MAGEB10: variants seen among roughly 807,000 people sequenced by gnomAD.
The protein encoded by MAGEB10 is melanoma-associated antigen B10.
For synonymous variants in MAGEB10, 99 were observed against 101.0 expected (o/e 0.98, Z 0.12); for missense variants, 190 against 261.9 (o/e 0.73, Z 1.89).
In MAGEB10 at chrX:27,822,269, A is replaced by C. The variant is rs1318446779; in HGVS notation, c.963A>C (p.Arg321Ser). 1.7e-6 allele frequency: 2 copies of C among 1,210,224 alleles called. No individual in the cohort carries two copies. Among genetic ancestry groups the C allele is most frequent in the Non-Finnish European group, 2.2e-6 (2 of 895,359 alleles). The change falls in exon 3 of 3, where the codon AGA becomes AGC. Residue 321 changes from arginine (R) to serine (S), a missense_variant. Physicochemically the swap from Arg to Ser is moderately radical, Grantham distance 110. Transcript: ENST00000356790. ...ATGAGGAAGAGAGAGCCAGAGCCAG[A>C]GTTGCAGCCAAGGCTCGCGTTAGTG... is the stretch of plus-strand genomic sequence containing the variant. ...LQDEEERARA[R>S]VAAKARVSAT...
At chrX:27,819,975 G>A (rs537676323) in intron 2 of MAGEB10, among the ~76,000 whole-genome samples, 48 of 111,047 alleles carry the variant, frequency 4.3e-4, no homozygotes, top group Middle Eastern at 4.6e-3. Context: ...GTTAGTGGTA[G>A]CCAACCTTGG....
Position 27,822,173 on chromosome X carries a change from T to C in MAGEB10, c.867T>C (p.Leu289=), listed in dbSNP as rs1923901991. Reference sequence around the variant, plus strand: ...CTGAAACCAGCAAGATGAAAGTTCTTGAGTTTTTGGCCAAGGTAAATGATA... The same window carrying C: ...CTGAAACCAGCAAGATGAAAGTTCTCGAGTTTTTGGCCAAGGTAAATGATA... ...AHAETSKMKV[L]EFLAKVNDTA... Residue 289 remains leucine, a synonymous_variant, in exon 3 of 3, where the codon CTT becomes CTC. Coordinates refer to ENST00000356790, the MANE Select transcript of MAGEB10 (RefSeq NM_182506.3). The C allele has an allele frequency of 8.3e-7, 1 of 1,211,755 alleles. No homozygotes were observed. Among genetic ancestry groups the C allele is most frequent in the Non-Finnish European group, 1.1e-6 (1 of 895,535 alleles).
rs189159319 is a variant in MAGEB10, at chrX:27,822,505, T to C, written c.*155T>C. 1.6e-4 allele frequency: 82 copies of C among 518,212 alleles called. No individual in the cohort carries two copies. Among genetic ancestry groups the C allele is most frequent in the African/African-American group, 1.5e-3 (64 of 42,112 alleles). The allele number at this position is 518,212 out of a possible 1,213,427, so 42.7% of individuals were successfully genotyped here. A position where few individuals can be genotyped will look rare whatever the true frequency, so the allele number is the denominator to read the frequency against. ...ATTTTTGAAGATGTTGTTCCTTTAA[T>C]AGATGGTTAAAGTAGCTTCACTATC... is the stretch of plus-strand genomic sequence containing the variant. On this transcript the variant is annotated 3_prime_UTR_variant, in exon 3 of 3. Transcript: ENST00000356790.
At chrX:27,819,436 A>G (rs1046543917) in intron 2 of MAGEB10, among the ~76,000 whole-genome samples, 1 of 111,684 alleles carries the variant, frequency 9.0e-6, no homozygotes, top group African/African-American at 3.3e-5. Flanking sequence ...GCCTCAAATC[A>G]GCAGAAAAGA....
intron 2 of MAGEB10, among the ~76,000 whole-genome samples, chrX:27,818,464 A>AG (rs1923822269): frequency 9.4e-6 from 1 of 106,627 alleles, no homozygotes; most frequent in Admixed American, 9.8e-5. Context: ...AGATTCAAGG[A>AG]GGGGGGAATT....
intron 2 of MAGEB10, among the ~76,000 whole-genome samples, chrX:27,820,106 G>C (rs1923855343): frequency 9.0e-6 from 1 of 111,170 alleles, no homozygotes; most frequent in Non-Finnish European, 1.9e-5. Flanking sequence ...GGCCCTAACA[G>C]AAGTAAAGGT....
chrX:27,816,975 C>T (rs1165442433), intron 1 of MAGEB10, among the ~76,000 whole-genome samples: 1 of 109,623 alleles, frequency 9.1e-6, no homozygotes, highest in African/African-American at 3.3e-5. Flanking sequence ...TGACTACCCC[C>T]CTTGACACTG....
In MAGEB10 at chrX:27,812,510, G is replaced by A. The variant is rs1923710979; in HGVS notation, c.-199+4474G>A. On this transcript the variant is annotated intron_variant, in intron 1 of 2. Transcript: ENST00000356790. ...GCCTGCTGATGACCATCCTGAGTGC[G>A]ATCTTCAGCCAGGGGAATTGTGCCC... The A allele has an allele frequency of 4.3e-5, 7 of 160,966 alleles. No individual in the cohort carries two copies. In the Admixed American group the frequency reaches 4.8e-4, roughly 11 times the overall value. 13.3% of individuals were successfully genotyped at this position (160,966 alleles called of 1,213,427 possible).
In MAGEB10 at chrX:27,821,822, G is replaced by C. The variant is rs745863681; in HGVS notation, c.516G>C (p.Glu172Asp). The change falls in exon 3 of 3, where the codon GAG becomes GAC. Residue 172 changes from glutamate to aspartate, a missense_variant. Glu to Asp is a conservative substitution (Grantham distance 45, BLOSUM62 2). Transcript: ENST00000356790. ...TTGGTCTTGACCTGAAGGAAGTGGAGCCTAATAAGCACATCTATGTCCTTG... is the reference window on the plus strand; with the variant it reads ...TTGGTCTTGACCTGAAGGAAGTGGACCCTAATAAGCACATCTATGTCCTTG... Reference protein sequence around the residue: ...LIFGLDLKEVEPNKHIYVLVN... With the variant: ...LIFGLDLKEVDPNKHIYVLVN... 3 of 1,209,910 alleles carry C rather than the reference G, an allele frequency of 2.5e-6. No individual in the cohort carries two copies. In the South Asian group the frequency reaches 5.3e-5, roughly 21 times the overall value.
At chrX:27,813,683 C>T (rs1452827377) in intron 1 of MAGEB10, among the ~76,000 whole-genome samples, 1 of 111,693 alleles carries the variant, frequency 9.0e-6, no homozygotes, top group Non-Finnish European at 1.9e-5. Flanking sequence ...GGTTTGGGGC[C>T]TTAGGAAACT....
intron 1 of MAGEB10, among the ~76,000 whole-genome samples, chrX:27,808,739 A>T (rs753547250): frequency 4.5e-5 from 5 of 111,876 alleles, no homozygotes; most frequent in African/African-American, 1.6e-4. Flanking sequence ...AAGCCACCTG[A>T]GATAAGGGTC....
intron 2 of MAGEB10, 142 bp from the exon 3 acceptor site, chrX:27,821,114 CAG>C (rs1491282842): frequency 1.4e-5 from 6 of 431,667 alleles, no homozygotes; most frequent in Non-Finnish European, 2.4e-5. Context: ...ACAGAGTACT[CAG>C]GGGGCAGGCA....
intron 1 of MAGEB10, among the ~76,000 whole-genome samples, chrX:27,810,002 C>T (rs1277648275): frequency 5.4e-5 from 6 of 110,283 alleles, no homozygotes; most frequent in South Asian, 4.0e-4. Flanking sequence ...GTGTCTAGCT[C>T]AGGGATTGTA....
chrX:27,815,795 C>A (rs772200087), intron 1 of MAGEB10, among the ~76,000 whole-genome samples: 2 of 112,074 alleles, frequency 1.8e-5, no homozygotes, highest in Admixed American at 9.5e-5. Context: ...GATCACCCTT[C>A]TGTAGGTGAG....
At chrX:27,814,788 C>G (rs1923751661) in intron 1 of MAGEB10, among the ~76,000 whole-genome samples, 1 of 111,858 alleles carries the variant, frequency 8.9e-6, no homozygotes, top group Non-Finnish European at 1.9e-5. Context: ...CATTAAGTGT[C>G]AAAATTAGAA....
intron 1 of MAGEB10, chrX:27,812,185 C>T (rs1195922017): frequency 8.1e-6 from 1 of 123,906 alleles, no homozygotes; most frequent in Non-Finnish European, 1.7e-5. Flanking sequence ...GCCCAGGCTA[C>T]CACTGGGCAG....
intron 1 of MAGEB10, among the ~76,000 whole-genome samples, chrX:27,808,678 T>G (rs112844276): frequency 1.8e-5 from 2 of 111,972 alleles, no homozygotes; most frequent in Non-Finnish European, 3.8e-5. Flanking sequence ...CTCTGCATTA[T>G]TCTTCTGGAG....
chrX:27,818,859 T>C (rs899528205), intron 2 of MAGEB10, among the ~76,000 whole-genome samples: 2 of 111,989 alleles, frequency 1.8e-5, no homozygotes, highest in Non-Finnish European at 3.8e-5. Context: ...GATTCTGCAC[T>C]AGCCATTTGC....
At chrX:27,816,411 G>A (rs774346174) in intron 1 of MAGEB10, among the ~76,000 whole-genome samples, 3 of 111,491 alleles carry the variant, frequency 2.7e-5, no homozygotes, top group South Asian at 7.6e-4. Flanking sequence ...ACCATAATTC[G>A]CCATCATTCT....
Sources: gnomAD v4.1 joint callset for allele counts (sites outside exome capture counted in the v4.1 genomes callset) on GRCh38, gnomAD v4.1.1 for gene constraint, MANE v1.5 for transcripts, NCBI Gene and HGNC (gene_info 2026-07-23, HGNC 2026-07-21) for gene names.